The following P3H2 variants were observed in gnomAD, a reference collection of about 807,000 sequenced individuals.
P3H2 encodes leprecan-like 1.
In P3H2, 80 loss-of-function variants were observed where a neutral mutation model predicts 87.0. The observed-to-expected ratio is 0.92, with a 90% CI of 0.77 to 1.11. The LOEUF is 1.11. P3H2 is among the 50% of genes least tolerant of loss of function. The probability of loss-of-function intolerance (pLI) is 0.00; values close to 1 mark genes in which losing one functional copy is unlikely to be tolerated. For synonymous variants in P3H2, 367 were observed against 359.3 expected, an observed-to-expected ratio of 1.02 and a Z score of -0.24; for missense variants, 1,001 against 923.9, an observed-to-expected ratio of 1.08 and a Z score of -1.08.
intron 3 of P3H2, among the ~76,000 whole-genome samples, chr3:189,990,131 C>T (rs1231293320): frequency 6.6e-6 from 1 of 151,912 alleles, no homozygotes; most frequent in Non-Finnish European, 1.5e-5. Flanking sequence ...CAGAGGGACC[C>T]CAAAACACAA....
intron 1 of P3H2, among the ~76,000 whole-genome samples, chr3:190,048,670 C>T (rs761677195): frequency 6.6e-6 from 1 of 152,054 alleles, no homozygotes; most frequent in Non-Finnish European, 1.5e-5. Flanking sequence ...TAAAAATTCT[C>T]CTGGAGAAGA....
chr3:190,018,107 T>A (rs1261484397), intron 1 of P3H2, among the ~76,000 whole-genome samples: 1 of 152,218 alleles, frequency 6.6e-6, no homozygotes, highest in Admixed American at 6.5e-5. Context: ...AAGAATTATA[T>A]GAAACTTTGT....
intron 1 of P3H2, among the ~76,000 whole-genome samples, chr3:190,041,915 A>G (rs1719610): frequency 0.57 from 86,879 of 152,112 alleles, 27,213 homozygotes; most frequent in Admixed American, 0.71. Context: ...TCACTTACCC[A>G]GTTTGTTTAT....
At chr3:190,065,677 A>G (rs1560385611) in intron 1 of P3H2, among the ~76,000 whole-genome samples, 1 of 152,114 alleles carries the variant, frequency 6.6e-6, no homozygotes, top group Non-Finnish European at 1.5e-5. Context: ...ATTATATGAA[A>G]TGTCCTACAC....
chr3:190,038,845 C>G (rs1240521147), intron 1 of P3H2, among the ~76,000 whole-genome samples: 1 of 152,214 alleles, frequency 6.6e-6, no homozygotes, highest in Non-Finnish European at 1.5e-5. Flanking sequence ...AAAGAATAAA[C>G]TGCAGTTAGT....
chr3:189,994,075 T>C lies in P3H2; in HGVS notation c.823+19A>G. The C allele has an allele frequency of 6.3e-7, 1 of 1,578,820 alleles. No homozygotes were observed. The highest frequency in any genetic ancestry group is 8.7e-7 in the Non-Finnish European group (1 of 1,151,096). On this transcript the variant is annotated intron_variant, in intron 3 of 14. Coordinates refer to ENST00000319332, the MANE Select transcript of P3H2 (RefSeq NM_018192.4). ...TTTTATAATCAAGAAAGAAATAAAA[T>C]GAAAAATTAAGCTTTTACCTGCAAT...
At chr3:190,051,153 T>A (rs1054002215) in intron 1 of P3H2, among the ~76,000 whole-genome samples, 7 of 152,214 alleles carry the variant, frequency 4.6e-5, no homozygotes, top group Middle Eastern at 3.2e-3. Context: ...AGGACAATGC[T>A]AATGCCATTT....
intron 1 of P3H2, among the ~76,000 whole-genome samples, chr3:190,068,481 T>C (rs1405572469): frequency 6.6e-6 from 1 of 152,128 alleles, no homozygotes; most frequent in Non-Finnish European, 1.5e-5. Context: ...ACCCTTTGTC[T>C]CCCACAAAAG....
intron 14 of P3H2, among the ~76,000 whole-genome samples, chr3:189,961,772 T>A (rs548342896): frequency 1.2e-3 from 187 of 152,304 alleles, no homozygotes; most frequent in African/African-American, 4.3e-3. Context: ...TCTAGTACTT[T>A]TCCATCAGAG....
chr3:190,043,586 G>A (rs1725708835), intron 1 of P3H2, among the ~76,000 whole-genome samples: 1 of 152,082 alleles, frequency 6.6e-6, no homozygotes, highest in Non-Finnish European at 1.5e-5. Flanking sequence ...TGGTAAACAG[G>A]AATTGTATAT....
At chr3:190,000,094 AG>A (rs1182016393) in intron 1 of P3H2, among the ~76,000 whole-genome samples, 1 of 152,260 alleles carries the variant, frequency 6.6e-6, no homozygotes, top group East Asian at 1.9e-4. Context: ...AAAAATCTCC[AG>A]TAGTCATCCA....
Position 190,014,043 on chromosome 3 carries a change from AT to A in P3H2, c.481-18602del, listed in dbSNP as rs201743807. ...AGAAAAAAAAATTTGGTGGCAAAAT[AT>A]GGACAATAAATAGTTGATTTATGAG... On this transcript the variant is annotated intron_variant, in intron 1 of 14. Transcript: ENST00000319332. Among the ~76,000 whole-genome samples the A allele has an allele frequency of 3.6e-3, 546 of 152,308 alleles. 15 individuals carry two copies. Among genetic ancestry groups the A allele is most frequent in the Admixed American group, 0.033 (499 of 15,306 alleles).
chr3:189,958,656 C>G (rs1024446814), intron 14 of P3H2, among the ~76,000 whole-genome samples: 3 of 151,646 alleles, frequency 2.0e-5, no homozygotes, highest in African/African-American at 7.3e-5. Flanking sequence ...CCACCAACCC[C>G]CAGATATTGC....
intron 1 of P3H2, among the ~76,000 whole-genome samples, chr3:190,059,886 A>T (rs1271909487): frequency 6.6e-6 from 1 of 152,138 alleles, no homozygotes; most frequent in Non-Finnish European, 1.5e-5. Context: ...GAGATTTTTT[A>T]AAGTCACATG....
intron 8 of P3H2, 126 bp downstream of exon 8, chr3:189,982,920 G>A (rs1001841428): frequency 4.0e-6 from 3 of 752,340 alleles, no homozygotes; most frequent in African/African-American, 1.7e-5. Context: ...ATTAGGGAGT[G>A]TAGTAGCTTA....
chr3:190,045,802 G>A (rs764216289), intron 1 of P3H2, among the ~76,000 whole-genome samples: 1 of 151,666 alleles, frequency 6.6e-6, no homozygotes, highest in African/African-American at 2.4e-5. Context: ...TCCTCCTGTA[G>A]ACAGAAGCCT....
intron 1 of P3H2, among the ~76,000 whole-genome samples, chr3:190,006,033 T>C (rs953253532): frequency 6.6e-6 from 1 of 152,188 alleles, no homozygotes. Flanking sequence ...CTACCATATA[T>C]CCAGGTTAAA....
In P3H2 at chr3:189,957,600, G is replaced by T. The variant is rs893851578; in HGVS notation, c.*312C>A. On this transcript the variant is annotated 3_prime_UTR_variant, in exon 15 of 15. Transcript: ENST00000319332. The stretch of plus-strand genomic sequence containing the variant: ...AGCTCCCCGGGAGGCTTGAAGGATC[G>T]CCTGAGCCTAAGAGTTTGAGGCTCC... 1 of 425,142 alleles carries T rather than the reference G, an allele frequency of 2.4e-6. No homozygotes were observed. The highest frequency in any genetic ancestry group is 2.0e-5 in the African/African-American group (1 of 49,806). The allele number at this position is 425,142 out of a possible 1,614,324, so 26.3% of individuals were successfully genotyped here.
chr3:190,107,057 T>C (rs1440196273), intron 1 of P3H2, among the ~76,000 whole-genome samples: 1 of 152,192 alleles, frequency 6.6e-6, no homozygotes, highest in African/African-American at 2.4e-5. Context: ...GGAAATGTCA[T>C]TTTGCTATTT....
Sources: gnomAD v4.1 joint callset for allele counts (sites outside exome capture counted in the v4.1 genomes callset) on GRCh38, gnomAD v4.1.1 for gene constraint, MANE v1.5 for transcripts, NCBI Gene and HGNC (gene_info 2026-07-23, HGNC 2026-07-21) for gene names.